CLK3: variants seen among roughly 807,000 people sequenced by gnomAD.
The protein encoded by CLK3 is dual specificity protein kinase CLK3.
CLK3 carries 24 observed loss-of-function variants against 65.2 expected under a neutral mutation model. The observed-to-expected ratio is 0.37, with a 90% CI of 0.27 to 0.52. The LOEUF (loss-of-function observed/expected upper bound fraction) is 0.52. Ranked by LOEUF, CLK3 falls within the 20% of genes least tolerant of loss-of-function variation. The pLI, the probability that CLK3 is intolerant of heterozygous loss-of-function variation, is 0.92. For missense variants in CLK3, 506 were observed against 660.0 expected, an observed-to-expected ratio of 0.77 and a Z score of 2.56; for synonymous variants, 252 against 240.8, an observed-to-expected ratio of 1.05 and a Z score of -0.43.
In CLK3 at chr15:74,627,472, C is replaced by T. The variant is rs868056397; in HGVS notation, c.912+26C>T. 2.3e-5 allele frequency: 37 copies of T among 1,614,134 alleles called. No homozygotes were observed. The Middle Eastern group carries it at 4.0e-3, about 173-fold the overall frequency. On this transcript the variant is annotated intron_variant, in intron 8 of 12. Transcript: ENST00000395066. This position sits in a 1 kb window ranked among gnomAD's most constrained non-coding sequence, Gnocchi z 4.3. ...GTATTGGTGGGGGTAAGGGTGAGGC[C>T]CTGTTTCAGGGGTGGGTTACCCGCT...
At chr15:74,629,144 C>T (rs1596292505) in intron 12 of CLK3, 112 bp downstream of exon 12, 1 of 852,218 alleles carries the variant, frequency 1.2e-6, no homozygotes, top group Non-Finnish European at 2.0e-6. Flanking sequence ...CTTGATCCAG[C>T]TCTATGGGAG....
At position 74,621,700 on chromosome 15, in the gene CLK3, C is replaced by T. The variant is rs1299489150; in HGVS notation, c.370-420C>T. On this transcript the variant is annotated intron_variant, in intron 3 of 12. Transcript: ENST00000395066. The surrounding 1 kb of genome is among the most constrained non-coding windows in gnomAD (Gnocchi z 4.8). ...GCGCCGCCGTTCTCACTGCATCTTCCGCTCTGGCCCAAAGCCACATGGGAG... is the reference window on the plus strand; with the variant it reads ...GCGCCGCCGTTCTCACTGCATCTTCTGCTCTGGCCCAAAGCCACATGGGAG... The T allele has an allele frequency of 9.0e-6, 3 of 334,964 alleles. No individual in the cohort carries two copies. Among genetic ancestry groups the T allele is most frequent in the Admixed American group, 3.9e-5 (1 of 25,478 alleles). 20.7% of individuals were successfully genotyped at this position (334,964 alleles called of 1,614,324 possible). A position where few individuals can be genotyped will look rare whatever the true frequency, so the allele number is the denominator to read the frequency against.
intron 11 of CLK3, 62 bp downstream of exon 11, chr15:74,628,745 T>A: frequency 7.2e-7 from 1 of 1,388,292 alleles, no homozygotes; most frequent in Non-Finnish European, 1.0e-6. Context: ...TGGCTGTGGG[T>A]CAGCAGGGTA....
At chr15:74,625,099 A>ATCCGCACTG in intron 6 of CLK3, 81 bp downstream of exon 6, 2 of 996,598 alleles carry the variant, frequency 2.0e-6, no homozygotes, top group Middle Eastern at 4.3e-4. Flanking sequence ...GCCTTCACCC[A>ATCCGCACTG]TCCGCACTGT....
At chr15:74,611,593 C>T (rs1021327928), upstream of CLK3, among the ~76,000 whole-genome samples, 1 of 152,246 alleles carries the variant, frequency 6.6e-6, no homozygotes, top group Admixed American at 6.5e-5. Context: ...CGCTCGGGGG[C>T]CCTGTTGGAG....
chr15:74,619,950 C>A, intron 2 of CLK3, 59 bp from the exon 3 acceptor site: 1 of 1,609,822 alleles, frequency 6.2e-7, no homozygotes, highest in South Asian at 1.1e-5. Context: ...TACCACAGGT[C>A]TCTTGCTTGC....
rs755764514 is a variant in CLK3 at position 74,622,484 on chromosome 15, T to G, written c.467-10T>G. 6 of 1,602,194 alleles carry G rather than the reference T, an allele frequency of 3.7e-6. No individual in the cohort carries two copies. In the South Asian group the frequency reaches 5.6e-5, roughly 15 times the overall value. On this transcript the variant is annotated splice_polypyrimidine_tract_variant and intron_variant, in intron 4 of 12. Coordinates refer to ENST00000395066, the MANE Select transcript of CLK3 (RefSeq NM_001130028.2). This position sits in a 1 kb window ranked among gnomAD's most constrained non-coding sequence, Gnocchi z 4.6. ...CCAGATTCTCATGCCCAATTTCTTT[T>G]CTCTCCTAGATGAGATTGTGGGGAA... is the stretch of plus-strand genomic sequence containing the variant.
Position 74,625,819 on chromosome 15 carries a change from C to CGA in CLK3, c.668_669insGA (p.Asp224MetfsTer25). 1 of 1,614,146 alleles carries CGA rather than the reference C, an allele frequency of 6.2e-7. No homozygotes were observed. The highest frequency in any genetic ancestry group is 8.5e-7 in the Non-Finnish European group (1 of 1,180,002). On this transcript the variant is annotated frameshift_variant, in exon 7 of 13. Coordinates refer to ENST00000395066, the MANE Select transcript of CLK3 (RefSeq NM_001130028.2). LOFTEE classifies it high-confidence loss of function. Reference sequence around the variant, plus strand: ...TCCTCCAGCCTGTGTGTCTTGATGTCTGACTGGTTCAACTTCCACGGTCAC... The same window carrying CGA: ...TCCTCCAGCCTGTGTGTCTTGATGTCGATGACTGGTTCAACTTCCACGGTCAC...
At position 74,624,964 on chromosome 15, in the gene CLK3, G is replaced by A. The variant is rs753497200; in HGVS notation, c.596G>A (p.Arg199Gln). The A allele has an allele frequency of 9.3e-6, 15 of 1,613,240 alleles. No homozygotes were observed. Among genetic ancestry groups the A allele is most frequent in the Admixed American group, 3.3e-5 (2 of 59,898 alleles). ...RNVGKYREAARLEINVLKKIK... is the reference protein window; with the variant it reads ...RNVGKYREAAQLEINVLKKIK... ...GTGGGCAAGTACCGGGAGGCTGCCCGGCTAGAAATCAACGTGCTCAAAAAA... is the reference window on the plus strand; with the variant it reads ...GTGGGCAAGTACCGGGAGGCTGCCCAGCTAGAAATCAACGTGCTCAAAAAA... The change falls in exon 6 of 13, where the codon CGG (arginine) becomes CAG (glutamine). Residue 199 changes from arginine to glutamine, a missense_variant. By Grantham distance (43) the Arg-to-Gln change is conservative. This residue lies in a region of CLK3 where 325 missense variants were observed against 500.5 expected (regional missense o/e 0.65). Coordinates refer to ENST00000395066, the MANE Select transcript of CLK3 (RefSeq NM_001130028.2). This position sits in a 1 kb window ranked among gnomAD's most constrained non-coding sequence, Gnocchi z 4.2.
At chr15:74,615,533 G>A (rs2062046852), upstream of CLK3, 4 of 1,288,678 alleles carry the variant, frequency 3.1e-6, no homozygotes, top group East Asian at 1.3e-4. Context: ...CAGCCCCACG[G>A]CCAGGTCGGG....
In CLK3 at chr15:74,620,324, G is replaced by A. The variant is rs139058373; in HGVS notation, c.369+99G>A. The stretch of plus-strand genomic sequence containing the variant: ...GGTCCGGGTGAGTACTGCCAGCCCT[G>A]TGCACGTGCACTGGTGTGCGTGCAT... On this transcript the variant is annotated intron_variant, in intron 3 of 12. Transcript: ENST00000395066. The A allele has an allele frequency of 7.3e-6, 11 of 1,503,700 alleles. No individual in the cohort carries two copies. The East Asian group carries it at 1.4e-4, about 19-fold the overall frequency. The allele number at this position is 1,503,700 out of a possible 1,614,324, so 93.1% of individuals were successfully genotyped here.
In CLK3 at chr15:74,627,122, A is replaced by G. The variant is rs769460626; in HGVS notation, c.818-230A>G. The G allele has an allele frequency of 4.0e-5, 25 of 628,864 alleles. No homozygotes were observed. The highest frequency in any genetic ancestry group is 5.6e-5 in the Non-Finnish European group (19 of 338,360). 39.0% of individuals were successfully genotyped at this position (628,864 alleles called of 1,614,324 possible). On this transcript the variant is annotated intron_variant, in intron 7 of 12. Coordinates refer to ENST00000395066, the MANE Select transcript of CLK3 (RefSeq NM_001130028.2). The surrounding 1 kb of genome is among the most constrained non-coding windows in gnomAD (Gnocchi z 4.3). Reference sequence around the variant, plus strand: ...GTGGAGGGAGGTTTTTCGAATGGCAAATTTCTTTCCTACCCCCCTGCTAAA... The same window carrying G: ...GTGGAGGGAGGTTTTTCGAATGGCAGATTTCTTTCCTACCCCCCTGCTAAA...
intron 1 of CLK3, 133 bp from the exon 2 acceptor site, chr15:74,619,063 AT>A (rs2062081265): frequency 1.1e-5 from 11 of 1,036,066 alleles, no homozygotes; most frequent in Non-Finnish European, 1.6e-5. Flanking sequence ...TCTTCACTTC[AT>A]AAACCTCTGG....
At chr15:74,610,985 C>T (rs934299155), upstream of CLK3, among the ~76,000 whole-genome samples, 9 of 152,216 alleles carry the variant, frequency 5.9e-5, no homozygotes, top group African/African-American at 2.2e-4. Context: ...CTCTGGGGCT[C>T]GCCTGTTTCA....
upstream of CLK3, chr15:74,614,800 G>A (rs572763075): frequency 2.0e-5 from 3 of 152,308 alleles, no homozygotes; most frequent in East Asian, 5.8e-4. Context: ...CCCGCGGAGC[G>A]GTCCCAAGGA....
upstream of CLK3, chr15:74,615,358 G>A (rs1237680947): frequency 8.1e-6 from 9 of 1,113,676 alleles, no homozygotes; most frequent in African/African-American, 1.6e-5. Context: ...ATAATGTGTC[G>A]TTCGCTCGTT....
At chr15:74,623,706 C>T (rs1212291507) in intron 5 of CLK3, 1 of 152,246 alleles carries the variant, frequency 6.6e-6, no homozygotes, top group Non-Finnish European at 1.5e-5. Flanking sequence ...CTCTCAGGAG[C>T]TGGAGGGAAA....
chr15:74,621,870 T>C lies in CLK3; in HGVS notation c.370-250T>C. ...TTAAAGATAATGTCCGAGTTTTCTTTACATACCTGTAGCTGTTTTTACTTT... is the reference window on the plus strand; with the variant it reads ...TTAAAGATAATGTCCGAGTTTTCTTCACATACCTGTAGCTGTTTTTACTTT... On this transcript the variant is annotated intron_variant, in intron 3 of 12. Coordinates refer to ENST00000395066, the MANE Select transcript of CLK3 (RefSeq NM_001130028.2). This position sits in a 1 kb window ranked among gnomAD's most constrained non-coding sequence, Gnocchi z 4.8. 1 of 516,380 alleles carries C rather than the reference T, an allele frequency of 1.9e-6. No individual in the cohort carries two copies. Among genetic ancestry groups the C allele is most frequent in the East Asian group, 4.1e-5 (1 of 24,226 alleles). 32.0% of individuals were successfully genotyped at this position (516,380 alleles called of 1,614,324 possible). A position where few individuals can be genotyped will look rare whatever the true frequency, so the allele number is the denominator to read the frequency against.
rs373788083 is a variant in CLK3 at position 74,625,068 on chromosome 15, C to A, written c.650+50C>A. On this transcript the variant is annotated intron_variant, in intron 6 of 12. Transcript: ENST00000395066. ...GGAAGCCTTCAGTGGGGCTGCTGGA[C>A]CCCCAGGGGCTTAGTAGTGTGCCTT... is the stretch of plus-strand genomic sequence containing the variant. 9 of 1,360,590 alleles carry A rather than the reference C, an allele frequency of 6.6e-6. No individual in the cohort carries two copies. The African/African-American group carries it at 1.0e-4, about 15-fold the overall frequency. The allele number at this position is 1,360,590 out of a possible 1,614,324, so 84.3% of individuals were successfully genotyped here. A position where few individuals can be genotyped will look rare whatever the true frequency, so the allele number is the denominator to read the frequency against.
Sources: allele counts gnomAD v4.1 joint callset (sites outside exome capture counted in the v4.1 genomes callset), GRCh38; gene constraint gnomAD v4.1.1; regional missense constraint gnomAD v4.1.1; non-coding constraint Gnocchi (gnomAD v3.1); transcripts MANE v1.5; gene names NCBI Gene and HGNC (gene_info 2026-07-23, HGNC 2026-07-21).